ABCA13: variants seen among roughly 807,000 people sequenced by gnomAD.
The protein encoded by ABCA13 is ATP binding cassette subfamily A member 13, also known as ATP-binding cassette sub-family A member 13.
ABCA13 carries 476 observed loss-of-function variants against 478.7 expected under a neutral mutation model. That is an observed-to-expected ratio of 0.99 (90% confidence interval 0.92 to 1.07). The LOEUF (loss-of-function observed/expected upper bound fraction) is 1.07. Ranked by LOEUF, ABCA13 falls within the 50% of genes least tolerant of loss-of-function variation. The probability of loss-of-function intolerance (pLI) is 0.00; values close to 1 mark genes in which losing one functional copy is unlikely to be tolerated. For synonymous variants in ABCA13, 2,252 were observed against 2,158.9 expected (o/e 1.04, Z -1.20); for missense variants, 6,060 against 5,910.6 (o/e 1.03, Z -0.83).
intron 60 of ABCA13, among the ~76,000 whole-genome samples, chr7:48,643,879 C>T (rs946510761): frequency 4.6e-5 from 7 of 152,134 alleles, no homozygotes; most frequent in Admixed American, 1.3e-4. Context: ...GTTAGACATG[C>T]AGAATCACAG....
intron 19 of ABCA13, among the ~76,000 whole-genome samples, chr7:48,286,818 A>G (rs917148691): frequency 8.5e-5 from 13 of 152,140 alleles, no homozygotes; most frequent in African/African-American, 2.9e-4. Flanking sequence ...CTTTTTATAA[A>G]GGACTTTTGA....
chr7:48,421,552 T>C (rs1052537278), intron 41 of ABCA13, among the ~76,000 whole-genome samples: 1 of 152,218 alleles, frequency 6.6e-6, no homozygotes, highest in African/African-American at 2.4e-5. Flanking sequence ...GCCTTTTAAC[T>C]CATGCCTCCC....
chr7:48,458,721 C>A (rs1025947379), intron 43 of ABCA13, among the ~76,000 whole-genome samples: 6 of 152,168 alleles, frequency 3.9e-5, no homozygotes, highest in African/African-American at 1.4e-4. Flanking sequence ...AATCCTTCTA[C>A]AAATGAAGGG....
At chr7:48,485,019 C>T (rs921633477) in intron 47 of ABCA13, among the ~76,000 whole-genome samples, 1 of 152,180 alleles carries the variant, frequency 6.6e-6, no homozygotes, top group African/African-American at 2.4e-5. Context: ...TATGAATAGG[C>T]TTAATGTATG....
Position 48,278,542 on chromosome 7 carries a change from C to G in ABCA13, c.7348C>G (p.Leu2450Val), listed in dbSNP as rs931058568. Reference protein sequence around the residue: ...ALYPTLQEVILANLTDLLFFI... With the variant: ...ALYPTLQEVIVANLTDLLFFI... The stretch of plus-strand genomic sequence containing the variant: ...GTATCCTACCCTCCAAGAAGTTATA[C>G]TTGCTAATCTAACGGATTTGCTTTT... Residue 2450 changes from leucine (L) to valine (V), a missense_variant, in exon 18 of 62, where the codon CTT (leucine) becomes GTT (valine). Around this residue, in one of 3 missense-constraint regions of ABCA13, gnomAD observed 4,423 missense variants for 4,309.1 expected, o/e 1.03. Coordinates refer to ENST00000435803, the MANE Select transcript of ABCA13 (RefSeq NM_152701.5). 1 of 1,613,906 alleles carries G rather than the reference C, an allele frequency of 6.2e-7. No individual in the cohort carries two copies. The highest frequency in any genetic ancestry group is 8.5e-7 in the Non-Finnish European group (1 of 1,179,846).
chr7:48,258,067 G>A (rs549266938), intron 15 of ABCA13, among the ~76,000 whole-genome samples: 123 of 152,210 alleles, frequency 8.1e-4, no homozygotes, highest in African/African-American at 2.9e-3. Flanking sequence ...GGAACTACAG[G>A]CATGTGCCGC....
chr7:48,600,866 A>G (rs1442694964), intron 58 of ABCA13, among the ~76,000 whole-genome samples: 3 of 152,218 alleles, frequency 2.0e-5, no homozygotes, highest in Non-Finnish European at 4.4e-5. Context: ...ATATCTGTCC[A>G]TATGAAAAAT....
chr7:48,578,952 G>T (rs942194017), intron 55 of ABCA13, among the ~76,000 whole-genome samples: 2 of 152,168 alleles, frequency 1.3e-5, no homozygotes, highest in South Asian at 2.1e-4. Flanking sequence ...CAATGAATCT[G>T]GGCACTTAAC....
rs192053061 is a variant in ABCA13 at position 48,290,171 on chromosome 7, C to T, written c.8955+2093C>T. Among the ~76,000 whole-genome samples the T allele has an allele frequency of 2.0e-5, 3 of 152,260 alleles. No individual in the cohort carries two copies. The East Asian group carries it at 5.8e-4, about 29-fold the overall frequency. On this transcript the variant is annotated intron_variant, in intron 20 of 61. Transcript: ENST00000435803. ...CTTTGTTCCAAATAGTAGAAAGTAGCAATAAGGAAATGAATGGGGCAGAAA... is the reference window on the plus strand; with the variant it reads ...CTTTGTTCCAAATAGTAGAAAGTAGTAATAAGGAAATGAATGGGGCAGAAA...
At chr7:48,287,036 C>T (rs537824707) in intron 19 of ABCA13, among the ~76,000 whole-genome samples, 9 of 152,244 alleles carry the variant, frequency 5.9e-5, no homozygotes, top group East Asian at 5.8e-4. Flanking sequence ...ATGGATTTAT[C>T]GTGCGGTGGG....
intron 15 of ABCA13, among the ~76,000 whole-genome samples, chr7:48,251,789 CT>C (rs1792607012): frequency 6.6e-6 from 1 of 151,670 alleles, no homozygotes; most frequent in Non-Finnish European, 1.5e-5. Flanking sequence ...CTAATAGGTA[CT>C]TTTAAGACAA....
intron 55 of ABCA13, among the ~76,000 whole-genome samples, chr7:48,558,402 C>G (rs1364797513): frequency 2.6e-5 from 4 of 151,682 alleles, no homozygotes; most frequent in Non-Finnish European, 5.9e-5. Context: ...GTTCAAGTGA[C>G]TCTCCTGCCT....
chr7:48,548,647 A>G lies in ABCA13; in HGVS notation c.14354+20302A>G, dbSNP rs1043969706. Among the ~76,000 whole-genome samples the G allele has an allele frequency of 2.6e-5, 4 of 151,540 alleles. 1 individual carries two copies. The highest frequency in any genetic ancestry group is 4.4e-5 in the Non-Finnish European group (3 of 67,774). On this transcript the variant is annotated intron_variant, in intron 55 of 61. Coordinates refer to ENST00000435803, the MANE Select transcript of ABCA13 (RefSeq NM_152701.5). ...GTGAGAGTTCACATGTCGACTTCCA[A>G]TCTTCAAATTTTAGTTAATATATTG...
intron 5 of ABCA13, among the ~76,000 whole-genome samples, chr7:48,222,730 C>T (rs1288657190): frequency 2.6e-5 from 4 of 152,098 alleles, no homozygotes; most frequent in Non-Finnish European, 5.9e-5. Context: ...TGAAAGAGTT[C>T]TATGTTGCTT....
chr7:48,415,225 G>A (rs1031885309), intron 41 of ABCA13, among the ~76,000 whole-genome samples: 3 of 152,178 alleles, frequency 2.0e-5, no homozygotes, highest in Non-Finnish European at 4.4e-5. Flanking sequence ...CTGTCAGCTG[G>A]CATGAGTCAG....
At chr7:48,378,490 C>T (rs1243392221) in intron 35 of ABCA13, among the ~76,000 whole-genome samples, 3 of 152,156 alleles carry the variant, frequency 2.0e-5, no homozygotes, top group Non-Finnish European at 2.9e-5. Context: ...TTGGAACTCA[C>T]GTATATTCGA....
intron 10 of ABCA13, among the ~76,000 whole-genome samples, chr7:48,244,109 C>T (rs577941303): frequency 3.3e-5 from 5 of 152,310 alleles, no homozygotes; most frequent in African/African-American, 9.6e-5. Context: ...CCTGGGTGGT[C>T]GTTCTTCCTT....
intron 20 of ABCA13, among the ~76,000 whole-genome samples, chr7:48,294,812 C>CTT (rs1799147590): frequency 6.6e-6 from 1 of 152,164 alleles, no homozygotes; most frequent in African/African-American, 2.4e-5. Flanking sequence ...TAATAGTTTT[C>CTT]TTTTTGTGGC....
At chr7:48,217,017 T>A (rs1786586689) in intron 3 of ABCA13, among the ~76,000 whole-genome samples, 1 of 152,258 alleles carries the variant, frequency 6.6e-6, no homozygotes, top group Non-Finnish European at 1.5e-5. Context: ...TTTTTGGTAT[T>A]GTTTTAAACA....
Sources: gnomAD v4.1 joint callset for allele counts (sites outside exome capture counted in the v4.1 genomes callset) on GRCh38, gnomAD v4.1.1 for gene constraint, gnomAD v4.1.1 regional missense constraint, MANE v1.5 for transcripts, NCBI Gene and HGNC (gene_info 2026-07-23, HGNC 2026-07-21) for gene names.